Variants in NAV2 observed in about 807,000 individuals in gnomAD.
NAV2 encodes the protein helicase, APC down-regulated 1.
In NAV2, 54 loss-of-function variants were observed where a neutral mutation model predicts 223.2. That is an observed-to-expected ratio of 0.24 (90% CI 0.19 to 0.30). The LOEUF (loss-of-function observed/expected upper bound fraction) is 0.30. NAV2 is among the 10% of genes least tolerant of loss of function. The pLI, the probability that NAV2 is intolerant of heterozygous loss-of-function variation, is 1.00. For missense variants in NAV2, 2,806 were observed against 3,147.5 expected (o/e 0.89, Z 2.60); for synonymous variants, 1,279 against 1,239.3 (o/e 1.03, Z -0.67).
chr11:19,487,785 T>A (rs1048074801), intron 1 of NAV2, among the ~76,000 whole-genome samples: 23 of 152,124 alleles, frequency 1.5e-4, no homozygotes, highest in Non-Finnish European at 2.5e-4. Flanking sequence ...ATAATCTCCC[T>A]CTGGGACCCT....
chr11:19,825,429 A>T (rs1389238896), intron 1 of NAV2, among the ~76,000 whole-genome samples: 1 of 152,142 alleles, frequency 6.6e-6, no homozygotes, highest in Non-Finnish European at 1.5e-5. Context: ...TCAGATGCTA[A>T]ACGACTGGTT....
intron 1 of NAV2, among the ~76,000 whole-genome samples, chr11:19,738,017 G>A (rs762532618): frequency 2.6e-5 from 4 of 152,252 alleles, no homozygotes; most frequent in Non-Finnish European, 5.9e-5. Context: ...TTGAGAAGAT[G>A]TGAGTGTATA....
At chr11:19,372,119 T>A (rs567681168) in intron 1 of NAV2, among the ~76,000 whole-genome samples, 2 of 152,254 alleles carry the variant, frequency 1.3e-5, no homozygotes, top group East Asian at 3.9e-4. Flanking sequence ...CTAACCCTGT[T>A]GGTAAGGAAT....
Position 19,727,131 on chromosome 11 carries a change from G to C in NAV2, c.267+13169G>C, listed in dbSNP as rs554511077. 9.9e-4 allele frequency among the ~76,000 whole-genome samples: 151 copies of C among 152,326 alleles called. 2 individuals are homozygous for C. Among genetic ancestry groups the C allele is most frequent in the Middle Eastern group, 3.4e-3 (1 of 294 alleles). ...CTAATGTTTGGTCACCATGACCAGAGACTGTTATCTACTTGGTAGCTGCAG... is the reference window on the plus strand; with the variant it reads ...CTAATGTTTGGTCACCATGACCAGACACTGTTATCTACTTGGTAGCTGCAG... On this transcript the variant is annotated intron_variant, in intron 1 of 37. Transcript: ENST00000349880.
intron 37 of NAV2, 91 bp from the exon 38 acceptor site, chr11:20,118,042 A>C: frequency 6.9e-7 from 1 of 1,439,420 alleles, no homozygotes; most frequent in Non-Finnish European, 9.5e-7. Flanking sequence ...ATCCCAGGTG[A>C]GTCTGGAGGA....
At chr11:20,006,440 G>A (rs1343300253) in intron 11 of NAV2, among the ~76,000 whole-genome samples, 1 of 152,130 alleles carries the variant, frequency 6.6e-6, no homozygotes, top group Admixed American at 6.5e-5. Flanking sequence ...ACTTTGGGAG[G>A]CTGAGGTGGG....
chr11:20,052,363 A>G (rs2058067400), intron 17 of NAV2, among the ~76,000 whole-genome samples: 1 of 152,212 alleles, frequency 6.6e-6, no homozygotes, highest in Non-Finnish European at 1.5e-5. Context: ...AAATCTCCCA[A>G]CAGTCATCCT....
intron 1 of NAV2, among the ~76,000 whole-genome samples, chr11:19,791,930 CAG>C (rs1390724122): frequency 2.0e-5 from 3 of 152,152 alleles, no homozygotes; most frequent in African/African-American, 7.2e-5. Context: ...TAGGTGCTAA[CAG>C]AGTGCCTGGC....
Position 19,382,602 on chromosome 11 carries a change from C to T in NAV2, c.75+31575C>T, listed in dbSNP as rs563343813. Among the ~76,000 whole-genome samples the T allele has an allele frequency of 1.6e-4, 24 of 152,244 alleles. 1 individual carries two copies. In the South Asian group the frequency reaches 5.0e-3, roughly 32 times the overall value. On this transcript the variant is annotated intron_variant, in intron 1 of 37. Coordinates refer to the NAV2 transcript ENST00000360655. ...CATTGCAGAGGAGGAAACTGCGGCC[C>T]GAAGTCTAATGACTGAAAATCACAA...
chr11:19,693,001 C>G (rs1290213764), intron 1 of NAV2, among the ~76,000 whole-genome samples: 1 of 152,264 alleles, frequency 6.6e-6, no homozygotes, highest in East Asian at 1.9e-4. Flanking sequence ...CCAGGCTCTA[C>G]AGGGAACCTG....
intron 7 of NAV2, 151 bp from the exon 8 acceptor site, chr11:19,939,510 A>G: frequency 1.7e-6 from 1 of 591,922 alleles, no homozygotes; most frequent in East Asian, 2.9e-5. Context: ...CATACGGCTA[A>G]TGAATTATTT....
chr11:19,416,288 C>T (rs1027474139), intron 1 of NAV2, among the ~76,000 whole-genome samples: 1 of 152,048 alleles, frequency 6.6e-6, no homozygotes, highest in African/African-American at 2.4e-5. Flanking sequence ...ACAAGCATTC[C>T]TATACACCAA....
At chr11:19,868,429 G>A (rs1260458359) in intron 3 of NAV2, among the ~76,000 whole-genome samples, 1 of 152,140 alleles carries the variant, frequency 6.6e-6, no homozygotes, top group African/African-American at 2.4e-5. Context: ...GGTTCAGGAG[G>A]TCACAGCCCT....
chr11:19,983,865 C>A (rs952094107), intron 10 of NAV2, among the ~76,000 whole-genome samples: 1 of 152,172 alleles, frequency 6.6e-6, no homozygotes, highest in Non-Finnish European at 1.5e-5. Flanking sequence ...CCGTCTGCGT[C>A]GTAGGTACCT....
intron 1 of NAV2, 108 bp downstream of exon 1, chr11:19,714,070 C>T: frequency 6.9e-7 from 1 of 1,440,662 alleles, no homozygotes; most frequent in Non-Finnish European, 9.4e-7. Flanking sequence ...ACCATGTGGC[C>T]AGGGAAGGGA....
intron 5 of NAV2, chr11:19,884,371 T>G: frequency 6.2e-7 from 1 of 1,611,258 alleles, no homozygotes; most frequent in South Asian, 1.1e-5. Flanking sequence ...AGGTTAGACT[T>G]TCTCTGTGTC....
intron 3 of NAV2, among the ~76,000 whole-genome samples, chr11:19,857,896 G>A (rs771333576): frequency 6.6e-5 from 10 of 151,966 alleles, no homozygotes; most frequent in East Asian, 3.9e-4. Context: ...TCACTCTGTC[G>A]CCCAGGCTAG....
chr11:20,037,268 C>T lies in NAV2; in HGVS notation c.2907+1171C>T, dbSNP rs561698293. 9.2e-5 allele frequency among the ~76,000 whole-genome samples: 12 copies of T among 130,906 alleles called. No homozygotes were observed. In the East Asian group the frequency reaches 3.3e-3, roughly 36 times the overall value. 85.9% of individuals were successfully genotyped at this position (130,906 alleles called of 152,430 possible). ...GCACTGCCCCGTCTTTCACTCCCTT[C>T]CATAACCTCTTCCTTTCTCAGCAGT... is the stretch of plus-strand genomic sequence containing the variant. On this transcript the variant is annotated intron_variant, in intron 12 of 37. Transcript: ENST00000349880.
At chr11:19,831,471 C>G (rs1485778396) in intron 1 of NAV2, among the ~76,000 whole-genome samples, 1 of 151,946 alleles carries the variant, frequency 6.6e-6, no homozygotes, top group African/African-American at 2.4e-5. Flanking sequence ...GGACATTCTC[C>G]TTTTGACCAA....
Sources: gnomAD v4.1 joint callset for allele counts (sites outside exome capture counted in the v4.1 genomes callset) on GRCh38, gnomAD v4.1.1 for gene constraint, MANE v1.5 for transcripts, NCBI Gene and HGNC (gene_info 2026-07-23, HGNC 2026-07-21) for gene names.